Variants in LMLN observed in about 807,000 individuals in gnomAD.
LMLN encodes the protein leishmanolysin like peptidase, also known as leishmanolysin-like peptidase.
Under a neutral mutation model 92.3 loss-of-function variants are expected in LMLN, and 70 were observed. The observed-to-expected ratio is 0.76, with a 90% CI of 0.63 to 0.92. The LOEUF (loss-of-function observed/expected upper bound fraction) is 0.92. Among genes scored for constraint, LMLN ranks in the 40% least tolerant of loss-of-function variants. The pLI is 0.00. For synonymous variants in LMLN, 308 were observed against 296.2 expected, an observed-to-expected ratio of 1.04 and a Z score of -0.41; for missense variants, 691 against 814.6, an observed-to-expected ratio of 0.85 and a Z score of 1.85.
intron 1 of LMLN, among the ~76,000 whole-genome samples, chr3:197,967,814 TC>T (rs1721101990): frequency 1.3e-5 from 2 of 151,986 alleles, no homozygotes; most frequent in South Asian, 4.1e-4. Context: ...TTTATAGACC[TC>T]CCCCAAGGAA....
chr3:198,020,507 T>C (rs1208900747), intron 12 of LMLN, among the ~76,000 whole-genome samples: 1 of 152,234 alleles, frequency 6.6e-6, no homozygotes, highest in Non-Finnish European at 1.5e-5. Flanking sequence ...CATAGTGATA[T>C]AACTCAATAA....
intron 14 of LMLN, 42 bp from the exon 16 acceptor site, chr3:198,035,791 A>G (rs369142122): frequency 3.6e-6 from 5 of 1,401,090 alleles, no homozygotes; most frequent in Non-Finnish European, 4.0e-6. Context: ...TACTGACCTG[A>G]TATTTATTAT....
At chr3:198,028,905 G>C (rs999364960) in intron 14 of LMLN, among the ~76,000 whole-genome samples, 1 of 152,206 alleles carries the variant, frequency 6.6e-6, no homozygotes, top group Non-Finnish European at 1.5e-5. Flanking sequence ...ATACTGTTCT[G>C]TGGTGTGTAT....
chr3:198,013,765 C>T (rs1181640013), intron 11 of LMLN, among the ~76,000 whole-genome samples: 2 of 135,292 alleles, frequency 1.5e-5, no homozygotes, highest in South Asian at 2.3e-4. Flanking sequence ...CTCCACCCTT[C>T]AGAGCCCCCT....
At chr3:198,007,234 G>A (rs1722319200) in intron 11 of LMLN, among the ~76,000 whole-genome samples, 1 of 152,136 alleles carries the variant, frequency 6.6e-6, no homozygotes, top group African/African-American at 2.4e-5. Context: ...TGTCTTTGAT[G>A]TCAAGTCTAA....
chr3:198,032,929 T>A (rs561850833), intron 14 of LMLN, among the ~76,000 whole-genome samples: 1 of 152,204 alleles, frequency 6.6e-6, no homozygotes, highest in African/African-American at 2.4e-5. Context: ...ATCCTTTTGA[T>A]TGTAGCTCTT....
chr3:198,026,188 TC>T (rs1234893510), intron 14 of LMLN, among the ~76,000 whole-genome samples: 1 of 152,162 alleles, frequency 6.6e-6, no homozygotes, highest in African/African-American at 2.4e-5. Context: ...ACTCCTGGGT[TC>T]ATGTGATTCA....
In LMLN at chr3:198,035,880, A is replaced by C; in HGVS notation, c.1704A>C (p.Ser568=). 11 of 1,613,966 alleles carry C rather than the reference A, an allele frequency of 6.8e-6. No homozygotes were observed. In the South Asian group the frequency reaches 1.2e-4, roughly 18 times the overall value. The change falls in exon 15 of 16, where the codon TCA becomes TCC. Residue 568 remains serine (S), a synonymous_variant. Transcript: ENST00000330198. ...TGAAAGTTTGGGTCCAAGATACTTC[A>C]TATTTGTGTAGTCGGGCTGGGCAGG...
chr3:197,976,623 C>T lies in LMLN; in HGVS notation c.457C>T (p.Arg153Trp), dbSNP rs201897276. ...ACAATGTGCAACAAACCAATACCTC[C>T]GGAAGGAAAACGATCCTCACAGGTA... The change falls in exon 5 of 16, where the codon CGG becomes TGG. Residue 153 changes from arginine to tryptophan, a missense_variant. Physicochemically the swap from Arg to Trp is moderately radical, Grantham distance 101. Around this residue, in one of 4 missense-constraint regions of LMLN, gnomAD observed 240 missense variants for 287.3 expected, o/e 0.84. Transcript: ENST00000330198. 1.5e-4 allele frequency: 240 copies of T among 1,597,168 alleles called. 1 individual carries two copies. Among genetic ancestry groups the T allele is most frequent in the Non-Finnish European group, 1.8e-4 (205 of 1,168,684 alleles).
intron 1 of LMLN, among the ~76,000 whole-genome samples, chr3:197,971,970 G>GTTTTTTTTTCT (rs1581131513): frequency 1.9e-5 from 1 of 52,038 alleles, no homozygotes; most frequent in Non-Finnish European, 3.9e-5. Flanking sequence ...TTTTTTTTTA[G>GTTTTTTTTTCT]TCTTTTTCAT....
intron 3 of LMLN, among the ~76,000 whole-genome samples, chr3:197,975,498 C>T (rs146464913): frequency 2.0e-5 from 3 of 148,142 alleles, no homozygotes; most frequent in African/African-American, 5.3e-5. Flanking sequence ...TGCACACACA[C>T]GCGCACGTGC....
chr3:198,032,236 C>T (rs1009845416), intron 14 of LMLN, among the ~76,000 whole-genome samples: 54 of 152,114 alleles, frequency 3.5e-4, no homozygotes, highest in African/African-American at 1.1e-3. Flanking sequence ...GTCCTTTTGA[C>T]GGGTCAGATT....
At chr3:197,987,560 A>G (rs1339002995) in intron 8 of LMLN, among the ~76,000 whole-genome samples, 2 of 152,238 alleles carry the variant, frequency 1.3e-5, no homozygotes, top group Non-Finnish European at 1.5e-5. Context: ...GAAGTAGTCT[A>G]GGGAATAAGC....
At chr3:197,964,611 A>G (rs1304434035) in intron 1 of LMLN, among the ~76,000 whole-genome samples, 2 of 151,722 alleles carry the variant, frequency 1.3e-5, no homozygotes, top group African/African-American at 4.8e-5. Context: ...GTTGGCCAGG[A>G]TGGTTTTGAT....
intron 1 of LMLN, 34 bp downstream of exon 1, chr3:197,960,474 G>A: frequency 1.3e-6 from 2 of 1,592,198 alleles, no homozygotes; most frequent in African/African-American, 1.3e-5. Flanking sequence ...GGCCCTCTCA[G>A]GGTAAAGTCA....
intron 14 of LMLN, among the ~76,000 whole-genome samples, chr3:198,033,977 TAG>T (rs1424700110): frequency 1.3e-5 from 2 of 152,212 alleles, no homozygotes; most frequent in Non-Finnish European, 2.9e-5. Context: ...TAACTGATGA[TAG>T]AGTTATTTCA....
In LMLN at chr3:198,024,789, G is replaced by A. The variant is rs1467915279; in HGVS notation, c.1656+1G>A. On this transcript the variant is annotated splice_donor_variant, in intron 14 of 15. Coordinates refer to ENST00000330198, the Ensembl canonical transcript of LMLN. LOFTEE classifies it high-confidence loss of function. ...AGACTGGGGAAGCGGATGCTATCAGGTAAGCTTATGTTTGTTATTAGTTGT... is the reference window on the plus strand; with the variant it reads ...AGACTGGGGAAGCGGATGCTATCAGATAAGCTTATGTTTGTTATTAGTTGT... The A allele has an allele frequency of 2.5e-6, 4 of 1,600,642 alleles. No homozygotes were observed.
At chr3:198,039,775 C>A (rs1022734761) in exon 16 of LMLN, 2 of 152,186 alleles carry the variant, frequency 1.3e-5, no homozygotes, top group Non-Finnish European at 2.9e-5. Flanking sequence ...TGGTAGCCCT[C>A]TATTCATCCC....
In LMLN at chr3:197,960,255, G is replaced by T. The variant is rs1303724331; in HGVS notation, c.34G>T (p.Glu12Ter). ...GACGCTCGGCCCGAAGATGGCGGCC[G>T]AATGGGGCGGAGGAGTGGGTTACTC... The change falls in exon 1 of 16, where the codon GAA becomes TAA. Residue 12 changes from glutamate (E) to a stop codon, truncating the protein, a stop_gained. Coordinates refer to ENST00000330198, the Ensembl canonical transcript of LMLN. LOFTEE classifies it high-confidence loss of function. 1 of 1,612,018 alleles carries T rather than the reference G, an allele frequency of 6.2e-7. No individual in the cohort carries two copies. The highest frequency in any genetic ancestry group is 2.2e-5 in the East Asian group (1 of 44,792).
Sources: gnomAD v4.1 joint callset for allele counts (sites outside exome capture counted in the v4.1 genomes callset) on GRCh38, gnomAD v4.1.1 for gene constraint, gnomAD v4.1.1 regional missense constraint, MANE v1.5 for transcripts, NCBI Gene and HGNC (gene_info 2026-07-23, HGNC 2026-07-21) for gene names.